The following FIZ1 variants were observed in gnomAD, a reference collection of about 807,000 sequenced individuals.
The protein encoded by FIZ1 is FLT3 interacting zinc finger 1.
Under a neutral mutation model 5.3 loss-of-function variants are expected in FIZ1, and 2 were observed. The ratio of observed to expected loss-of-function variants is 0.37; its 90% confidence interval spans 0.15 to 1.18. FIZ1 has a LOEUF of 1.18. Among genes scored for constraint, FIZ1 ranks in the 50% most tolerant of loss-of-function variants. The pLI is 0.37. For synonymous variants in FIZ1, 407 were observed against 364.2 expected, an observed-to-expected ratio of 1.12 and a Z score of -1.34; for missense variants, 631 against 749.7, an observed-to-expected ratio of 0.84 and a Z score of 1.85.
At chr19:55,599,066 T>C (rs1412820168) in intron 1 of FIZ1, 2 of 152,426 alleles carry the variant, frequency 1.3e-5, no homozygotes, top group Non-Finnish European at 2.9e-5. Context: ...CACGCCCCTT[T>C]ATCAAACCCC....
chr19:55,598,058 T>A lies in FIZ1; in HGVS notation c.-36-157A>T, dbSNP rs1980418774. 8.0e-6 allele frequency: 7 copies of A among 878,060 alleles called. No homozygotes were observed. The East Asian group carries it at 1.9e-4, about 24-fold the overall frequency. 54.4% of individuals were successfully genotyped at this position (878,060 alleles called of 1,614,324 possible). On this transcript the variant is annotated intron_variant, in intron 1 of 2. Coordinates refer to ENST00000221665, the MANE Select transcript of FIZ1 (RefSeq NM_032836.3). ...ATTGTTCTTTAAAATCCTCCTACTC[T>A]CTTAGAAACCCTTCTCTCGCGGCTC...
chr19:55,598,623 G>A (rs2123563353), intron 1 of FIZ1: 1 of 152,228 alleles, frequency 6.6e-6, no homozygotes, highest in African/African-American at 2.4e-5. Flanking sequence ...AGTTCCTCCT[G>A]GATTCCTCCT....
chr19:55,592,972 G>T lies in FIZ1; in HGVS notation c.969C>A (p.Ala323=), dbSNP rs1249410106. 5 of 1,541,674 alleles carry T rather than the reference G, an allele frequency of 3.2e-6. No individual in the cohort carries two copies. The highest frequency in any genetic ancestry group is 4.3e-6 in the Non-Finnish European group (5 of 1,152,656). ...GGEAPAPAAA[A]EPSEDTLYQC... ...GGTACAGGGTGTCTTCCGAGGGCTC[G>T]GCGGCCGCCGCAGGTGCAGGCGCCT... The change falls in exon 3 of 3, where the codon GCC becomes GCA. Residue 323 remains alanine, a synonymous_variant. Coordinates refer to ENST00000221665, the MANE Select transcript of FIZ1 (RefSeq NM_032836.3). This position sits in a 1 kb window ranked among gnomAD's most constrained non-coding sequence, Gnocchi z 6.9.
chr19:55,598,274 G>C (rs1980435397), intron 1 of FIZ1: 1 of 199,650 alleles, frequency 5.0e-6, no homozygotes, highest in African/African-American at 2.3e-5. Flanking sequence ...TGTTCCCTAA[G>C]GATCTTGTAT....
chr19:55,597,434 G>A, intron 2 of FIZ1, 138 bp downstream of exon 2: 1 of 1,424,950 alleles, frequency 7.0e-7, no homozygotes, highest in Non-Finnish European at 9.2e-7. Flanking sequence ...GGTAGGGAGG[G>A]AGGGACATTT....
intron 2 of FIZ1, among the ~76,000 whole-genome samples, chr19:55,596,861 C>G (rs1980351635): frequency 6.6e-6 from 1 of 152,068 alleles, no homozygotes; most frequent in African/African-American, 2.4e-5. Context: ...TTAGTAGAGA[C>G]AGAGTTTCAC....
chr19:55,593,653 G>T lies in FIZ1; in HGVS notation c.295-7C>A. 1 of 1,550,896 alleles carries T rather than the reference G, an allele frequency of 6.4e-7. No individual in the cohort carries two copies. Among genetic ancestry groups the T allele is most frequent in the Non-Finnish European group, 8.7e-7 (1 of 1,146,764 alleles). On this transcript the variant is annotated splice_polypyrimidine_tract_variant and splice_region_variant and intron_variant, in intron 2 of 2. Coordinates refer to ENST00000221665, the MANE Select transcript of FIZ1 (RefSeq NM_032836.3). This position sits in a 1 kb window ranked among gnomAD's most constrained non-coding sequence, Gnocchi z 6.3. ...TCTCACCAGTGTGGACGACCTAGGGGTGCGGGAGGAAGGGCACAACGTCAG... is the reference window on the plus strand; with the variant it reads ...TCTCACCAGTGTGGACGACCTAGGGTTGCGGGAGGAAGGGCACAACGTCAG...
chr19:55,596,001 G>T (rs1980309219), intron 2 of FIZ1, among the ~76,000 whole-genome samples: 1 of 152,168 alleles, frequency 6.6e-6, no homozygotes, highest in African/African-American at 2.4e-5. Flanking sequence ...TATCTGTTTT[G>T]TTCCCTTAGC....
At position 55,592,342 on chromosome 19, in the gene FIZ1, C is replaced by A. The variant is rs926509309; in HGVS notation, c.*108G>T. 15 of 1,165,140 alleles carry A rather than the reference C, an allele frequency of 1.3e-5. 1 individual carries two copies. In the South Asian group the frequency reaches 1.5e-4, roughly 11 times the overall value. 72.2% of individuals were successfully genotyped at this position (1,165,140 alleles called of 1,614,324 possible). On this transcript the variant is annotated 3_prime_UTR_variant, in exon 3 of 3. Transcript: ENST00000221665. The surrounding 1 kb of genome is among the most constrained non-coding windows in gnomAD (Gnocchi z 6.9). ...GGTCCCCTCATTTCAGGGCCTGCGT[C>A]TGGATTTGGATTTGGAGGGCCGGGG...
chr19:55,597,720 T>C lies in FIZ1; in HGVS notation c.146A>G (p.Lys49Arg), dbSNP rs770628681. ...GCCGCAGCGCGGACATGCGTGGGGCTTGAGCGCTGTGTGCCGGGCAAAGTG... is the reference window on the plus strand; with the variant it reads ...GCCGCAGCGCGGACATGCGTGGGGCCTGAGCGCTGTGTGCCGGGCAAAGTG... ...RRHFARHTAL[K>R]PHACPRCGKG... is the part of the protein sequence containing the mutation. The change falls in exon 2 of 3, where the codon AAG (lysine) becomes AGG (arginine). Residue 49 changes from lysine (K) to arginine (R), a missense_variant. By Grantham distance (26) the Lys-to-Arg change is conservative (BLOSUM62 2). Transcript: ENST00000221665. 1 of 1,614,020 alleles carries C rather than the reference T, an allele frequency of 6.2e-7. No individual in the cohort carries two copies. The highest frequency in any genetic ancestry group is 8.5e-7 in the Non-Finnish European group (1 of 1,179,920).
At position 55,592,770 on chromosome 19, in the gene FIZ1, T is replaced by G. The variant is rs7247236; in HGVS notation, c.1171A>C (p.Thr391Pro). 6.2e-7 allele frequency: 1 copy of G among 1,600,386 alleles called. No individual in the cohort carries two copies. The highest frequency in any genetic ancestry group is 8.5e-7 in the Non-Finnish European group (1 of 1,176,774). ...HGEGGGEEAA[T>P]AAREREPASG... ...GCCGGTTCCCTTTCCCGGGCGGCGG[T>G]CGCCGCCTCCTCCCCGCCGCCCTCA... The change falls in exon 3 of 3, where the codon ACC (threonine) becomes CCC (proline). Residue 391 changes from threonine (T) to proline (P), a missense_variant. This residue lies in a region of FIZ1 where 463 missense variants were observed against 455.1 expected (regional missense o/e 1.02). Transcript: ENST00000221665. This position sits in a 1 kb window ranked among gnomAD's most constrained non-coding sequence, Gnocchi z 6.9.
chr19:55,595,491 C>T (rs1021992621), intron 2 of FIZ1: 2 of 152,258 alleles, frequency 1.3e-5, no homozygotes, highest in Non-Finnish European at 2.9e-5. Flanking sequence ...CATCAGTGAT[C>T]CTCTTCCACC....
Position 55,593,659 on chromosome 19 carries a change from G to T in FIZ1, c.295-13C>A. 1 of 1,550,330 alleles carries T rather than the reference G, an allele frequency of 6.5e-7. No individual in the cohort carries two copies. On this transcript the variant is annotated splice_polypyrimidine_tract_variant and intron_variant, in intron 2 of 2. Coordinates refer to ENST00000221665, the MANE Select transcript of FIZ1 (RefSeq NM_032836.3). The surrounding 1 kb of genome is among the most constrained non-coding windows in gnomAD (Gnocchi z 6.3). The stretch of plus-strand genomic sequence containing the variant: ...CAGTGTGGACGACCTAGGGGTGCGG[G>T]AGGAAGGGCACAACGTCAGGGCTGA...
chr19:55,593,657 G>C lies in FIZ1; in HGVS notation c.295-11C>G. ...ACCAGTGTGGACGACCTAGGGGTGC[G>C]GGAGGAAGGGCACAACGTCAGGGCT... On this transcript the variant is annotated splice_polypyrimidine_tract_variant and intron_variant, in intron 2 of 2. Transcript: ENST00000221665. This position sits in a 1 kb window ranked among gnomAD's most constrained non-coding sequence, Gnocchi z 6.3. 1 of 1,550,274 alleles carries C rather than the reference G, an allele frequency of 6.5e-7. No individual in the cohort carries two copies. The highest frequency in any genetic ancestry group is 8.7e-7 in the Non-Finnish European group (1 of 1,146,356).
chr19:55,594,753 C>T (rs1980243369), intron 2 of FIZ1, among the ~76,000 whole-genome samples: 1 of 148,686 alleles, frequency 6.7e-6, no homozygotes, highest in Non-Finnish European at 1.5e-5. Context: ...CTATACTGGA[C>T]AGTGCAGCTC....
At chr19:55,597,154 T>C (rs539220518) in intron 2 of FIZ1, among the ~76,000 whole-genome samples, 1 of 152,340 alleles carries the variant, frequency 6.6e-6, no homozygotes, top group East Asian at 1.9e-4. Context: ...GGAAAGCTGA[T>C]AGTCAATGAA....
rs750968360 is a variant in FIZ1, at chr19:55,597,660, T to C, written c.206A>G (p.His69Arg). The change falls in exon 2 of 3, where the codon CAC becomes CGC. Residue 69 changes from histidine to arginine, a missense_variant. Physicochemically the swap from His to Arg is conservative, Grantham distance 29. Coordinates refer to ENST00000221665, the MANE Select transcript of FIZ1 (RefSeq NM_032836.3). ...CCGCTCCCCGGTGTGCGAGCGCAGG[T>C]GGTTGGCTAGGTTGAAGCTGTGCTT... ...GFKHSFNLANHLRSHTGERPY... is the reference protein window; with the variant it reads ...GFKHSFNLANRLRSHTGERPY... The C allele has an allele frequency of 6.2e-7, 1 of 1,613,806 alleles. No individual in the cohort carries two copies. Among genetic ancestry groups the C allele is most frequent in the Non-Finnish European group, 8.5e-7 (1 of 1,179,874 alleles).
rs552649034 is a variant in FIZ1 at position 55,592,081 on chromosome 19, C to T, written c.*369G>A. The T allele has an allele frequency of 2.1e-4, 46 of 221,694 alleles. No individual in the cohort carries two copies. Among genetic ancestry groups the T allele is most frequent in the African/African-American group, 1.0e-3 (46 of 44,168 alleles). The allele number at this position is 221,694 out of a possible 1,614,324, so 13.7% of individuals were successfully genotyped here. A position where few individuals can be genotyped will look rare whatever the true frequency, so the allele number is the denominator to read the frequency against. ...TCTTCCCTTGGTGGGGGTGGGTGCC[C>T]ATCTTTTAGTATTAGGGCTCTCAAG... On this transcript the variant is annotated 3_prime_UTR_variant, in exon 3 of 3. Coordinates refer to ENST00000221665, the MANE Select transcript of FIZ1 (RefSeq NM_032836.3). The surrounding 1 kb of genome is among the most constrained non-coding windows in gnomAD (Gnocchi z 6.9).
In FIZ1 at chr19:55,593,137, G is replaced by C. The variant is rs1161547280; in HGVS notation, c.804C>G (p.Gly268=). ...PPAQAWAAGP[G]AGPETAGEGT... ...CTTCGCCCGCCGTCTCGGGCCCTGCGCCTGGCCCCGCGGCCCAGGCCTGCG... is the reference window on the plus strand; with the variant it reads ...CTTCGCCCGCCGTCTCGGGCCCTGCCCCTGGCCCCGCGGCCCAGGCCTGCG... The change falls in exon 3 of 3, where the codon GGC becomes GGG. Residue 268 remains glycine (G), a synonymous_variant. Coordinates refer to ENST00000221665, the MANE Select transcript of FIZ1 (RefSeq NM_032836.3). The surrounding 1 kb of genome is among the most constrained non-coding windows in gnomAD (Gnocchi z 6.3). 4.0e-5 allele frequency: 48 copies of C among 1,204,768 alleles called. No individual in the cohort carries two copies. The highest frequency in any genetic ancestry group is 4.7e-5 in the Non-Finnish European group (45 of 966,630). 74.6% of individuals were successfully genotyped at this position (1,204,768 alleles called of 1,614,324 possible).
Sources: gnomAD v4.1 joint callset for allele counts (sites outside exome capture counted in the v4.1 genomes callset) on GRCh38, gnomAD v4.1.1 for gene constraint, gnomAD v4.1.1 regional missense constraint, Gnocchi (gnomAD v3.1) non-coding constraint, MANE v1.5 for transcripts, NCBI Gene and HGNC (gene_info 2026-07-23, HGNC 2026-07-21) for gene names.